The following MPPED2 variants were observed in gnomAD, a reference collection of about 807,000 sequenced individuals.
MPPED2 encodes the protein metallophosphoesterase MPPED2.
A neutral mutation model predicts 33.0 loss-of-function variants in MPPED2; 5 were observed. The observed-to-expected ratio is 0.15, with a 90% CI of 0.08 to 0.32. The LOEUF (loss-of-function observed/expected upper bound fraction) is 0.32. Among genes scored for constraint, MPPED2 ranks in the 10% least tolerant of loss-of-function variants. The probability of loss-of-function intolerance (pLI) is 1.00; values close to 1 mark genes in which losing one functional copy is unlikely to be tolerated. For synonymous variants in MPPED2, 136 were observed against 141.9 expected (o/e 0.96, Z 0.29); for missense variants, 275 against 372.1 (o/e 0.74, Z 2.15).
At chr11:30,404,049 C>G (rs1767340987) in intron 6 of MPPED2, among the ~76,000 whole-genome samples, 1 of 152,216 alleles carries the variant, frequency 6.6e-6, no homozygotes, top group Admixed American at 6.5e-5. Flanking sequence ...TCATCCAACC[C>G]TAGTAGCCAT....
At chr11:30,547,181 T>G (rs1955467930) in intron 2 of MPPED2, among the ~76,000 whole-genome samples, 1 of 152,230 alleles carries the variant, frequency 6.6e-6, no homozygotes, top group African/African-American at 2.4e-5. Context: ...ATTCCAGTGT[T>G]AAGCAACTTC....
At chr11:30,480,973 A>T (rs958064166) in intron 4 of MPPED2, among the ~76,000 whole-genome samples, 1 of 152,114 alleles carries the variant, frequency 6.6e-6, no homozygotes, top group Non-Finnish European at 1.5e-5. Flanking sequence ...TTCCCTACAT[A>T]ACAGGTAGAA....
chr11:30,582,206 G>A (rs1472155197), intron 1 of MPPED2, among the ~76,000 whole-genome samples: 3 of 152,104 alleles, frequency 2.0e-5, no homozygotes, highest in Admixed American at 6.5e-5. Flanking sequence ...ACAAAGTACC[G>A]AGACACTACT....
intron 1 of MPPED2, 56 bp from the exon 2 acceptor site, chr11:30,580,550 A>G: frequency 7.2e-7 from 1 of 1,392,934 alleles, no homozygotes; most frequent in African/African-American, 1.4e-5. Flanking sequence ...AGGGTGTTCT[A>G]AGAGACATAA....
intron 2 of MPPED2, among the ~76,000 whole-genome samples, chr11:30,543,391 T>C (rs1307708324): frequency 1.3e-5 from 2 of 152,162 alleles, no homozygotes; most frequent in Non-Finnish European, 1.5e-5. Flanking sequence ...TCACTTCCCA[T>C]CTTCTAGCCT....
chr11:30,475,724 A>C (rs1405763988), intron 4 of MPPED2, among the ~76,000 whole-genome samples: 2 of 152,160 alleles, frequency 1.3e-5, no homozygotes, highest in African/African-American at 4.8e-5. Flanking sequence ...ATTTGTGTAC[A>C]AGTCTTTATG....
chr11:30,456,908 T>C (rs1346343262), intron 4 of MPPED2, among the ~76,000 whole-genome samples: 3 of 152,182 alleles, frequency 2.0e-5, no homozygotes, highest in South Asian at 4.1e-4. Flanking sequence ...AGAACAAAAA[T>C]GGTTTGGAAT....
At chr11:30,485,471 A>ATTTACACATGTTACACATC in intron 4 of MPPED2, among the ~76,000 whole-genome samples, 1 of 151,814 alleles carries the variant, frequency 6.6e-6, no homozygotes, top group African/African-American at 2.4e-5. Context: ...CATGTGTAAC[A>ATTTACACATGTTACACATC]AGGTAAATAA....
At chr11:30,508,694 C>T (rs1952975757) in intron 3 of MPPED2, among the ~76,000 whole-genome samples, 1 of 152,198 alleles carries the variant, frequency 6.6e-6, no homozygotes, top group Non-Finnish European at 1.5e-5. Context: ...CTTAAACACT[C>T]ACCCAACTTA....
chr11:30,503,156 C>T (rs748295637), intron 3 of MPPED2, among the ~76,000 whole-genome samples: 15 of 152,098 alleles, frequency 9.9e-5, no homozygotes, highest in Middle Eastern at 3.2e-3. Context: ...TAAGTTCTCA[C>T]GAGATTTGAT....
At chr11:30,453,751 C>T (rs537695932) in intron 4 of MPPED2, among the ~76,000 whole-genome samples, 3 of 152,302 alleles carry the variant, frequency 2.0e-5, no homozygotes, top group South Asian at 2.1e-4. Flanking sequence ...TCTGTTTCCC[C>T]ACTTGGCTTG....
intron 2 of MPPED2, among the ~76,000 whole-genome samples, chr11:30,559,172 TAA>T (rs1956127609): frequency 6.6e-6 from 1 of 152,146 alleles, no homozygotes; most frequent in East Asian, 1.9e-4. Flanking sequence ...CCAGTTGAAA[TAA>T]AAGTCACAAT....
intron 2 of MPPED2, among the ~76,000 whole-genome samples, chr11:30,572,005 G>A (rs1042182554): frequency 1.3e-5 from 2 of 152,174 alleles, no homozygotes; most frequent in African/African-American, 4.8e-5. Flanking sequence ...AGTCTGTAAG[G>A]AGAGGTGATC....
chr11:30,470,391 A>T (rs1274868308), intron 4 of MPPED2, among the ~76,000 whole-genome samples: 1 of 152,204 alleles, frequency 6.6e-6, no homozygotes, highest in African/African-American at 2.4e-5. Context: ...TATAGAGACA[A>T]AAAGGAGATG....
chr11:30,512,653 T>A (rs1280771366), intron 3 of MPPED2, among the ~76,000 whole-genome samples: 2 of 152,118 alleles, frequency 1.3e-5, no homozygotes, highest in Non-Finnish European at 2.9e-5. Context: ...AGATAGTCAC[T>A]TTAGGCCAGT....
chr11:30,413,372 C>G (rs970521298), intron 6 of MPPED2, among the ~76,000 whole-genome samples: 2 of 152,140 alleles, frequency 1.3e-5, no homozygotes, highest in Non-Finnish European at 2.9e-5. Context: ...TGCACACAAG[C>G]GTGTGTAACT....
chr11:30,528,868 G>A (rs1165586831), intron 3 of MPPED2, among the ~76,000 whole-genome samples: 2 of 152,092 alleles, frequency 1.3e-5, no homozygotes, highest in Admixed American at 1.3e-4. Flanking sequence ...TGGAGAAATT[G>A]CAATCTTTAT....
At chr11:30,450,252 T>C (rs915632552) in intron 4 of MPPED2, among the ~76,000 whole-genome samples, 1 of 152,230 alleles carries the variant, frequency 6.6e-6, no homozygotes, top group Non-Finnish European at 1.5e-5. Flanking sequence ...GAAGATGCAG[T>C]GGTTAATCAA....
At chr11:30,422,580 G>C (rs950077904) in intron 4 of MPPED2, among the ~76,000 whole-genome samples, 1 of 152,116 alleles carries the variant, frequency 6.6e-6, no homozygotes, top group Non-Finnish European at 1.5e-5. Context: ...GGGTTCACTG[G>C]AAAATACGTG....
Sources: gnomAD v4.1 joint callset for allele counts (sites outside exome capture counted in the v4.1 genomes callset) on GRCh38, gnomAD v4.1.1 for gene constraint, MANE v1.5 for transcripts, NCBI Gene and HGNC (gene_info 2026-07-23, HGNC 2026-07-21) for gene names.